The following SGMS1 variants were observed in gnomAD, a reference collection of about 807,000 sequenced individuals.
SGMS1 encodes the protein phosphatidylcholine:ceramide cholinephosphotransferase 1.
A neutral mutation model predicts 46.2 loss-of-function variants in SGMS1; 13 were observed. The observed-to-expected ratio is 0.28, with a 90% CI of 0.18 to 0.45. SGMS1 has a LOEUF of 0.45. SGMS1 is among the 20% of genes least tolerant of loss of function. The pLI is 1.00. For synonymous variants in SGMS1, 203 were observed against 187.8 expected (o/e 1.08, Z -0.66); for missense variants, 324 against 519.9 (o/e 0.62, Z 3.66).
chr10:50,449,863 T>C (rs1837079160), intron 5 of SGMS1, among the ~76,000 whole-genome samples: 2 of 152,106 alleles, frequency 1.3e-5, no homozygotes. Context: ...TGTTCTTTTT[T>C]TTTTCTACTT....
chr10:50,462,149 C>T (rs1837273273), intron 4 of SGMS1, among the ~76,000 whole-genome samples: 1 of 152,016 alleles, frequency 6.6e-6, no homozygotes, highest in African/African-American at 2.4e-5. Flanking sequence ...GTATTCTCAG[C>T]TACTTGGGAG....
chr10:50,376,838 G>A (rs1390976824), intron 6 of SGMS1, among the ~76,000 whole-genome samples: 3 of 152,162 alleles, frequency 2.0e-5, no homozygotes, highest in Non-Finnish European at 4.4e-5. Context: ...ATCACTGATG[G>A]ACATTTGGGT....
intron 7 of SGMS1, chr10:50,327,941 A>G: frequency 3.9e-6 from 1 of 256,140 alleles, no homozygotes; most frequent in Admixed American, 5.4e-5. Context: ...AAGAAGTAAA[A>G]TAGGGGTAAC....
intron 2 of SGMS1, among the ~76,000 whole-genome samples, chr10:50,568,969 TA>T (rs1481168907): frequency 6.6e-6 from 1 of 151,806 alleles, no homozygotes; most frequent in African/African-American, 2.4e-5. Flanking sequence ...TATGCAGCCA[TA>T]AAAAAGGGTG....
intron 2 of SGMS1, among the ~76,000 whole-genome samples, chr10:50,527,724 T>G (rs1163743515): frequency 6.6e-6 from 1 of 152,224 alleles, no homozygotes. Context: ...AATGATGTGT[T>G]TAAGCACTCC....
intron 1 of SGMS1, among the ~76,000 whole-genome samples, chr10:50,612,605 C>A (rs1052727722): frequency 2.0e-5 from 3 of 152,178 alleles, no homozygotes; most frequent in East Asian, 3.8e-4. Flanking sequence ...TTAATAGAGT[C>A]TTTCTTTTAA....
chr10:50,444,857 C>T (rs565074137), intron 5 of SGMS1, among the ~76,000 whole-genome samples: 5 of 152,014 alleles, frequency 3.3e-5, no homozygotes, highest in Non-Finnish European at 5.9e-5. Context: ...AAAAGAAAAA[C>T]TAGCTAGTTG....
intron 6 of SGMS1, among the ~76,000 whole-genome samples, chr10:50,415,410 T>C (rs182519352): frequency 2.0e-4 from 31 of 152,334 alleles, no homozygotes; most frequent in African/African-American, 7.2e-4. Context: ...CTCTGTGGCA[T>C]GCTTCCCCCT....
chr10:50,612,235 T>C (rs1202988558), intron 1 of SGMS1, among the ~76,000 whole-genome samples: 1 of 152,250 alleles, frequency 6.6e-6, no homozygotes, highest in Non-Finnish European at 1.5e-5. Context: ...AGATTTGTTA[T>C]AACATCCCGT....
chr10:50,350,253 CG>C (rs1290679845), intron 6 of SGMS1, among the ~76,000 whole-genome samples: 1 of 152,002 alleles, frequency 6.6e-6, no homozygotes, highest in African/African-American at 2.4e-5. Context: ...GGGTACCTGG[CG>C]GAAGAAATTT....
chr10:50,597,395 C>T (rs762298752), intron 1 of SGMS1, among the ~76,000 whole-genome samples: 5 of 152,142 alleles, frequency 3.3e-5, no homozygotes, highest in African/African-American at 4.8e-5. Context: ...TGGGTGAATA[C>T]ATATGCAAAC....
At chr10:50,458,317 G>C (rs1837217891) in intron 5 of SGMS1, among the ~76,000 whole-genome samples, 1 of 145,612 alleles carries the variant, frequency 6.9e-6, no homozygotes, top group African/African-American at 2.5e-5. Flanking sequence ...GTTCAATTCT[G>C]GCTCTGCTAT....
chr10:50,401,108 G>A (rs887591914), intron 6 of SGMS1, among the ~76,000 whole-genome samples: 1 of 152,162 alleles, frequency 6.6e-6, no homozygotes, highest in Non-Finnish European at 1.5e-5. Flanking sequence ...TGACACTTGA[G>A]CCAGCCATGG....
At chr10:50,621,914 C>A (rs2131949656) in intron 1 of SGMS1, among the ~76,000 whole-genome samples, 2 of 152,268 alleles carry the variant, frequency 1.3e-5, no homozygotes, top group Admixed American at 6.5e-5. Flanking sequence ...TGCAGAGACT[C>A]AAAAACATGC....
At chr10:50,544,842 C>T (rs1290837509) in intron 2 of SGMS1, among the ~76,000 whole-genome samples, 1 of 152,204 alleles carries the variant, frequency 6.6e-6, no homozygotes, top group South Asian at 2.1e-4. Context: ...GCTACAACTA[C>T]CCCTTTTCAT....
chr10:50,468,254 T>C (rs1462611678), intron 3 of SGMS1, among the ~76,000 whole-genome samples: 1 of 152,166 alleles, frequency 6.6e-6, no homozygotes, highest in East Asian at 1.9e-4. Flanking sequence ...AATAAAGCTA[T>C]TCCTCTTTAC....
intron 9 of SGMS1, among the ~76,000 whole-genome samples, chr10:50,309,471 C>A (rs2133270642): frequency 6.6e-6 from 1 of 152,302 alleles, no homozygotes; most frequent in East Asian, 1.9e-4. Context: ...CTCAATATGA[C>A]ACATTGCCTT....
At chr10:50,477,614 C>A (rs775331310) in intron 3 of SGMS1, among the ~76,000 whole-genome samples, 2 of 152,176 alleles carry the variant, frequency 1.3e-5, no homozygotes, top group Non-Finnish European at 2.9e-5. Flanking sequence ...CCACCCAAAT[C>A]TCATGCTGAA....
At chr10:50,593,572 A>G (rs546076061) in intron 1 of SGMS1, among the ~76,000 whole-genome samples, 2 of 151,682 alleles carry the variant, frequency 1.3e-5, no homozygotes, top group Admixed American at 1.3e-4. Flanking sequence ...CTTCACCACC[A>G]CTTCCACCAC....
Sources: allele counts gnomAD v4.1 joint callset (sites outside exome capture counted in the v4.1 genomes callset), GRCh38; gene constraint gnomAD v4.1.1; transcripts MANE v1.5; gene names NCBI Gene and HGNC (gene_info 2026-07-23, HGNC 2026-07-21).